The following ANKS1B variants were observed in gnomAD, a reference collection of about 807,000 sequenced individuals.
ANKS1B encodes the protein ankyrin repeat and sterile alpha motif domain containing 1B.
In ANKS1B, 36 loss-of-function variants were observed where a neutral mutation model predicts 148.3. The ratio of observed to expected loss-of-function variants is 0.24; its 90% CI spans 0.19 to 0.32. The LOEUF (loss-of-function observed/expected upper bound fraction) is 0.32, where lower values mean the gene tolerates loss of function less well. ANKS1B is among the 10% of genes least tolerant of loss of function. The pLI is 1.00. For synonymous variants in ANKS1B, 542 were observed against 560.8 expected (o/e 0.97, Z 0.47); for missense variants, 1,157 against 1,542.6 (o/e 0.75, Z 4.19).
chr12:99,236,887 G>A (rs1349058181), intron 14 of ANKS1B, among the ~76,000 whole-genome samples: 1 of 152,112 alleles, frequency 6.6e-6, no homozygotes, highest in East Asian at 1.9e-4. Context: ...CTTATAAGTG[G>A]GAGCTAAATG....
At chr12:99,133,432 A>C (rs2066838392) in intron 15 of ANKS1B, among the ~76,000 whole-genome samples, 1 of 152,076 alleles carries the variant, frequency 6.6e-6, no homozygotes, top group Non-Finnish European at 1.5e-5. Context: ...AATAAGAAGA[A>C]CCATCCTTTC....
At chr12:99,584,979 C>T (rs1176594405) in intron 9 of ANKS1B, among the ~76,000 whole-genome samples, 14 of 151,954 alleles carry the variant, frequency 9.2e-5, no homozygotes, top group African/African-American at 3.4e-4. Context: ...ACTATATCAT[C>T]CCCCCGGCCC....
At chr12:99,596,698 A>AT (rs776051342) in intron 9 of ANKS1B, among the ~76,000 whole-genome samples, 4 of 151,958 alleles carry the variant, frequency 2.6e-5, no homozygotes, top group African/African-American at 7.2e-5. Flanking sequence ...AAAATTAGTG[A>AT]TTTTCTCATA....
intron 20 of ANKS1B, among the ~76,000 whole-genome samples, chr12:98,807,006 T>A (rs1367473211): frequency 6.6e-6 from 1 of 152,162 alleles, no homozygotes; most frequent in Non-Finnish European, 1.5e-5. Context: ...TCCCTTCACA[T>A]GCCGCCCCAA....
chr12:99,359,417 A>G (rs781510074), intron 12 of ANKS1B, among the ~76,000 whole-genome samples: 8 of 152,112 alleles, frequency 5.3e-5, no homozygotes, highest in Non-Finnish European at 8.8e-5. Flanking sequence ...GAATAAAACC[A>G]TAAATAATTA....
intron 8 of ANKS1B, 143 bp downstream of exon 8, chr12:99,772,779 G>A (rs2063320125): frequency 1.2e-6 from 1 of 823,908 alleles, no homozygotes; most frequent in Admixed American, 3.6e-5. Flanking sequence ...AAACCCCAAA[G>A]AACGTCAGGA....
intron 17 of ANKS1B, chr12:98,895,439 C>G (rs2099762966): frequency 2.4e-6 from 1 of 412,510 alleles, no homozygotes; most frequent in Non-Finnish European, 3.3e-6. Context: ...TTACTGCGGT[C>G]GCCGCCGCTG....
At chr12:99,562,841 G>T (rs959427867) in intron 9 of ANKS1B, among the ~76,000 whole-genome samples, 7 of 152,118 alleles carry the variant, frequency 4.6e-5, no homozygotes, top group Non-Finnish European at 8.8e-5. Context: ...GATGAGATTT[G>T]GGTGGGGACA....
intron 1 of ANKS1B, among the ~76,000 whole-genome samples, chr12:99,885,746 C>T (rs1381441218): frequency 6.6e-6 from 1 of 152,082 alleles, no homozygotes; most frequent in Non-Finnish European, 1.5e-5. Context: ...TTATCCCTTA[C>T]CCCTCTTCTA....
At chr12:98,975,207 C>A (rs781545335) in intron 17 of ANKS1B, among the ~76,000 whole-genome samples, 9 of 141,296 alleles carry the variant, frequency 6.4e-5, no homozygotes, top group Non-Finnish European at 1.4e-4. Context: ...CTCTTTCTTC[C>A]TTCTTTCCTT....
At chr12:99,057,097 C>T (rs980403317) in intron 16 of ANKS1B, among the ~76,000 whole-genome samples, 3 of 152,052 alleles carry the variant, frequency 2.0e-5, no homozygotes, top group Admixed American at 6.6e-5. Flanking sequence ...TCTAAGATGA[C>T]TCTCAATTCA....
intron 9 of ANKS1B, among the ~76,000 whole-genome samples, chr12:99,652,366 A>G (rs994959422): frequency 1.3e-5 from 2 of 152,056 alleles, no homozygotes; most frequent in African/African-American, 4.8e-5. Flanking sequence ...CCAGCTACTC[A>G]GGAAGCTGAG....
intron 14 of ANKS1B, among the ~76,000 whole-genome samples, chr12:99,169,927 T>C (rs968874380): frequency 7.9e-5 from 12 of 152,156 alleles, no homozygotes; most frequent in African/African-American, 2.9e-4. Context: ...ATGGGAAACT[T>C]GTCCTTTTGC....
At chr12:99,801,274 C>T (rs1158307579) in intron 4 of ANKS1B, among the ~76,000 whole-genome samples, 1 of 152,118 alleles carries the variant, frequency 6.6e-6, no homozygotes, top group Non-Finnish European at 1.5e-5. Context: ...AGCAGAGATT[C>T]CCAGGCTAAC....
chr12:99,083,104 T>G (rs1010149626), intron 16 of ANKS1B, among the ~76,000 whole-genome samples: 4 of 152,226 alleles, frequency 2.6e-5, no homozygotes, highest in Non-Finnish European at 4.4e-5. Flanking sequence ...CCTTTGTATA[T>G]TTGGCTCAGT....
At chr12:98,916,952 G>C (rs2099795171) in intron 17 of ANKS1B, among the ~76,000 whole-genome samples, 2 of 150,484 alleles carry the variant, frequency 1.3e-5, no homozygotes, top group Admixed American at 1.3e-4. Context: ...AGCAGCCCTA[G>C]TATTCAACTA....
intron 1 of ANKS1B, among the ~76,000 whole-genome samples, chr12:99,845,123 G>A (rs1290031501): frequency 1.3e-5 from 2 of 152,208 alleles, no homozygotes; most frequent in Admixed American, 6.5e-5. Flanking sequence ...AGCTTAAGAA[G>A]CTTTTGGGCT....
chr12:99,012,850 A>C (rs1046750983), intron 17 of ANKS1B, among the ~76,000 whole-genome samples: 3 of 152,292 alleles, frequency 2.0e-5, no homozygotes, highest in Non-Finnish European at 1.5e-5. Context: ...GACTCTGTTA[A>C]GTATCAATTC....
chr12:99,935,103 TAA>T (rs2094726641), intron 1 of ANKS1B, among the ~76,000 whole-genome samples: 1 of 152,140 alleles, frequency 6.6e-6, no homozygotes, highest in Admixed American at 6.5e-5. Flanking sequence ...AAGTTAAACG[TAA>T]GAGATATAAA....
Sources: allele counts gnomAD v4.1 joint callset (sites outside exome capture counted in the v4.1 genomes callset), GRCh38; gene constraint gnomAD v4.1.1; transcripts MANE v1.5; gene names NCBI Gene and HGNC (gene_info 2026-07-23, HGNC 2026-07-21).